The following PCSK5 variants were observed in gnomAD, a reference collection of about 807,000 sequenced individuals.
PCSK5 encodes proprotein convertase subtilisin/kexin type 5.
PCSK5 carries 129 observed loss-of-function variants against 233.2 expected under a neutral mutation model. The observed-to-expected ratio is 0.55, with a 90% CI of 0.48 to 0.64. PCSK5 has a LOEUF of 0.64. PCSK5 is among the 30% of genes least tolerant of loss of function. The pLI, the probability that PCSK5 is intolerant of heterozygous loss-of-function variation, is 0.00. For synonymous variants in PCSK5, 825 were observed against 879.2 expected (o/e 0.94, Z 1.09); for missense variants, 2,076 against 2,430.1 (o/e 0.85, Z 3.06).
intron 10 of PCSK5, among the ~76,000 whole-genome samples, chr9:76,144,267 A>G (rs1488203267): frequency 6.6e-6 from 1 of 151,668 alleles, no homozygotes; most frequent in Non-Finnish European, 1.5e-5. Flanking sequence ...TTTGTCAGGA[A>G]ATCATCCGCT....
chr9:76,187,932 T>C (rs4745524), intron 17 of PCSK5, among the ~76,000 whole-genome samples: 45,487 of 151,928 alleles, frequency 0.3, 7,336 homozygotes, highest in East Asian at 0.56. Flanking sequence ...AGCAGTACAG[T>C]TAGTTTTGAT....
intron 1 of PCSK5, among the ~76,000 whole-genome samples, chr9:75,927,346 G>A (rs991028536): frequency 1.3e-5 from 2 of 152,106 alleles, no homozygotes; most frequent in Admixed American, 6.6e-5. Flanking sequence ...TCTATAAATT[G>A]AAGAAGGCAG....
At chr9:76,101,113 A>G (rs1355189372) in intron 8 of PCSK5, among the ~76,000 whole-genome samples, 2 of 151,872 alleles carry the variant, frequency 1.3e-5, no homozygotes, top group Non-Finnish European at 2.9e-5. Flanking sequence ...GGTAGTACAT[A>G]TTTTCTTATT....
chr9:76,108,860 C>G (rs537482220), intron 9 of PCSK5, among the ~76,000 whole-genome samples: 1 of 152,282 alleles, frequency 6.6e-6, no homozygotes, highest in South Asian at 2.1e-4. Flanking sequence ...GCAGCTGGAC[C>G]TGAATATAAC....
At position 76,176,718 on chromosome 9, in the gene PCSK5, C is replaced by A. The variant is rs547888583; in HGVS notation, c.1900+1589C>A. Among the ~76,000 whole-genome samples, 10 of 152,290 alleles carry A rather than the reference C, an allele frequency of 6.6e-5. No homozygotes were observed. The South Asian group carries it at 1.9e-3, about 28-fold the overall frequency. ...CTCTTATAGTGGAAAATATTCCATG[C>A]TTTCTAACTAGTGTATGCTGGTGTG... On this transcript the variant is annotated intron_variant, in intron 14 of 37. Transcript: ENST00000674117.
At chr9:76,025,819 A>G (rs1430833789) in intron 4 of PCSK5, among the ~76,000 whole-genome samples, 1 of 152,178 alleles carries the variant, frequency 6.6e-6, no homozygotes, top group Non-Finnish European at 1.5e-5. Context: ...TACTCAAATA[A>G]CCAGAAGTGC....
intron 9 of PCSK5, among the ~76,000 whole-genome samples, chr9:76,131,712 C>A (rs2131740933): frequency 6.6e-6 from 1 of 152,114 alleles, no homozygotes; most frequent in East Asian, 1.9e-4. Context: ...TGCTAAGTTT[C>A]ACTAGGGAAA....
At chr9:76,313,330 G>A (rs1828921160) in intron 30 of PCSK5, among the ~76,000 whole-genome samples, 1 of 152,182 alleles carries the variant, frequency 6.6e-6, no homozygotes, top group Non-Finnish European at 1.5e-5. Context: ...ATAATTCACG[G>A]TTTTTAGTAT....
intron 14 of PCSK5, among the ~76,000 whole-genome samples, chr9:76,177,270 G>A (rs1484174945): frequency 5.3e-5 from 8 of 151,932 alleles, no homozygotes; most frequent in African/African-American, 1.9e-4. Context: ...CTCCAGCCTG[G>A]GAACAGAGTG....
intron 2 of PCSK5, among the ~76,000 whole-genome samples, chr9:75,944,205 A>G (rs1053315757): frequency 6.6e-6 from 1 of 150,398 alleles, no homozygotes; most frequent in African/African-American, 2.4e-5. Context: ...ATATACACAT[A>G]TACATATATA....
chr9:76,288,875 A>G lies in PCSK5; in HGVS notation c.3143-3358A>G, dbSNP rs753743387. On this transcript the variant is annotated intron_variant, in intron 24 of 37. Coordinates refer to ENST00000674117, the MANE Select transcript of PCSK5 (RefSeq NM_001372043.1). ...CTTTCCAATACATCTTATAGGTATG[A>G]TGTGCACAGCTCCCACTGTGGCCCT... is the stretch of plus-strand genomic sequence containing the variant. Among the ~76,000 whole-genome samples the G allele has an allele frequency of 3.9e-5, 6 of 152,206 alleles. No individual in the cohort carries two copies. The South Asian group carries it at 6.2e-4, about 16-fold the overall frequency.
At chr9:76,273,150 G>A (rs1039872578) in intron 24 of PCSK5, among the ~76,000 whole-genome samples, 1 of 152,022 alleles carries the variant, frequency 6.6e-6, no homozygotes, top group Non-Finnish European at 1.5e-5. Flanking sequence ...CCTTCTGTCT[G>A]TACCACTCCC....
At chr9:76,272,773 CAAAAAAAAAA>C (rs71372058) in intron 24 of PCSK5, among the ~76,000 whole-genome samples, 643 of 50,012 alleles carry the variant, frequency 0.013, 7 homozygotes, top group African/African-American at 0.037. Flanking sequence ...GACTCCATCT[CAAAAAAAAAA>C]AAAAAAAAAA....
chr9:76,298,612 G>A (rs2131418862), intron 27 of PCSK5, among the ~76,000 whole-genome samples: 1 of 151,070 alleles, frequency 6.6e-6, no homozygotes, highest in South Asian at 2.1e-4. Flanking sequence ...GGGAGTATTT[G>A]AGCCAATGCC....
intron 2 of PCSK5, among the ~76,000 whole-genome samples, chr9:75,942,767 A>G (rs1419014705): frequency 6.6e-6 from 1 of 152,098 alleles, no homozygotes; most frequent in African/African-American, 2.4e-5. Context: ...GGAAAAGAGT[A>G]TGATGAGGGG....
intron 8 of PCSK5, among the ~76,000 whole-genome samples, chr9:76,102,952 A>T (rs2131670305): frequency 6.6e-6 from 1 of 152,314 alleles, no homozygotes; most frequent in East Asian, 1.9e-4. Flanking sequence ...GTAACATGAG[A>T]TTCTTCTTTA....
rs1824271808 is a variant in PCSK5, at chr9:76,189,662, C to G, written c.2542C>G (p.Pro848Ala). ...CDISCLTCNG[P>A]GFKNCTSCPS... ...TATCAGTTGTTTGACGTGCAATGGC[C>G]CAGGATTCAAGAACTGTACAAGCTG... is the stretch of plus-strand genomic sequence containing the variant. Residue 848 changes from proline (P) to alanine (A), a missense_variant, in exon 20 of 38, where the codon CCA (proline) becomes GCA (alanine). By Grantham distance (27) the Pro-to-Ala change is conservative. This residue lies in a region of PCSK5 where 1,510 missense variants were observed against 1,538.1 expected (regional missense o/e 0.98). Transcript: ENST00000674117. The G allele has an allele frequency of 6.2e-7, 1 of 1,612,654 alleles. No individual in the cohort carries two copies. Among genetic ancestry groups the G allele is most frequent in the Non-Finnish European group, 8.5e-7 (1 of 1,178,846 alleles).
chr9:76,115,958 T>A (rs1832406957), intron 9 of PCSK5, among the ~76,000 whole-genome samples: 1 of 152,100 alleles, frequency 6.6e-6, no homozygotes, highest in Non-Finnish European at 1.5e-5. Flanking sequence ...AAAGTTAAAA[T>A]TGTTTGGTGT....
chr9:76,148,364 T>C (rs1204127887), intron 10 of PCSK5, among the ~76,000 whole-genome samples: 5 of 144,668 alleles, frequency 3.5e-5, no homozygotes, highest in African/African-American at 1.3e-4. Flanking sequence ...TCTCTCTCCC[T>C]CTCTCTCCCT....
Sources: allele counts gnomAD v4.1 joint callset (sites outside exome capture counted in the v4.1 genomes callset), GRCh38; gene constraint gnomAD v4.1.1; regional missense constraint gnomAD v4.1.1; transcripts MANE v1.5; gene names NCBI Gene and HGNC (gene_info 2026-07-23, HGNC 2026-07-21).